Variants in SCEL observed in about 807,000 individuals in gnomAD.
SCEL encodes the protein sciellin.
SCEL carries 113 observed loss-of-function variants against 117.6 expected under a neutral mutation model. The ratio of observed to expected loss-of-function variants is 0.96; its 90% confidence interval spans 0.83 to 1.12. The LOEUF is 1.12. SCEL is among the 50% of genes most tolerant of loss of function. SCEL has a pLI of 0.00. For missense variants in SCEL, 785 were observed against 810.8 expected, an observed-to-expected ratio of 0.97 and a Z score of 0.39; for synonymous variants, 270 against 256.2, an observed-to-expected ratio of 1.05 and a Z score of -0.51.
chr13:77,629,763 A>G (rs1170862692), intron 28 of SCEL, among the ~76,000 whole-genome samples: 1 of 152,212 alleles, frequency 6.6e-6, no homozygotes, highest in Non-Finnish European at 1.5e-5. Context: ...CTTAGGTTCA[A>G]TAAAGTACAG....
At chr13:77,605,537 A>G (rs1177484150) in intron 19 of SCEL, among the ~76,000 whole-genome samples, 2 of 152,044 alleles carry the variant, frequency 1.3e-5, no homozygotes, top group East Asian at 3.9e-4. Context: ...GCCTCAATTT[A>G]CTCATTTACA....
intron 3 of SCEL, among the ~76,000 whole-genome samples, chr13:77,558,282 G>T (rs1435306378): frequency 6.6e-6 from 1 of 152,164 alleles, no homozygotes; most frequent in Non-Finnish European, 1.5e-5. Flanking sequence ...GGGAAAATTG[G>T]CTTTGATGCT....
At chr13:77,602,539 G>T in intron 16 of SCEL, 115 bp from the exon 17 acceptor site, 2 of 781,258 alleles carry the variant, frequency 2.6e-6, no homozygotes, top group Admixed American at 2.1e-5. Flanking sequence ...AGCTCTTTTT[G>T]GTCATTTGGT....
At chr13:77,545,894 A>G (rs2083961668) in intron 1 of SCEL, among the ~76,000 whole-genome samples, 1 of 152,240 alleles carries the variant, frequency 6.6e-6, no homozygotes, top group Non-Finnish European at 1.5e-5. Flanking sequence ...GAAAAATTTA[A>G]TTTCCCACAG....
At chr13:77,635,444 C>A (rs1304371841) in intron 29 of SCEL, among the ~76,000 whole-genome samples, 1 of 152,064 alleles carries the variant, frequency 6.6e-6, no homozygotes, top group Non-Finnish European at 1.5e-5. Flanking sequence ...TATTGGCGAA[C>A]AATAACATAG....
intron 15 of SCEL, 45 bp from the exon 16 acceptor site, chr13:77,602,020 T>C: frequency 6.6e-7 from 1 of 1,512,052 alleles, no homozygotes; most frequent in Non-Finnish European, 9.0e-7. Flanking sequence ...GAGTTGCTCT[T>C]GCCTCACTCT....
chr13:77,583,892 A>T (rs912078158), intron 9 of SCEL, among the ~76,000 whole-genome samples: 1 of 152,246 alleles, frequency 6.6e-6, no homozygotes, highest in Admixed American at 6.5e-5. Context: ...TATGGAAATG[A>T]AGTAATATAG....
At chr13:77,613,036 G>A in intron 23 of SCEL, 95 bp downstream of exon 23, 7 of 712,374 alleles carry the variant, frequency 9.8e-6, no homozygotes, top group Middle Eastern at 2.7e-4. Flanking sequence ...TTTTGAAAGG[G>A]GACATGAAAA....
In SCEL at chr13:77,591,435, A is replaced by C; in HGVS notation, c.667A>C (p.Asn223His). Residue 223 changes from asparagine (N) to histidine (H), a missense_variant, in exon 11 of 33, where the codon AAC (asparagine) becomes CAC (histidine). Physicochemically the swap from Asn to His is moderately conservative, Grantham distance 68. Coordinates refer to ENST00000349847, the MANE Select transcript of SCEL (RefSeq NM_144777.3). ...TAAACCAGGTGTATATACAGAAACC[A>C]ACAGATCTGCTGAAAGAAATATAAG... ...PPKPGVYTETNRSAERNIRSQ... is the reference protein window; with the variant it reads ...PPKPGVYTETHRSAERNIRSQ... 2 of 1,584,720 alleles carry C rather than the reference A, an allele frequency of 1.3e-6. No homozygotes were observed.
chr13:77,563,002 T>A (rs1014460709), intron 4 of SCEL, among the ~76,000 whole-genome samples: 3 of 152,200 alleles, frequency 2.0e-5, no homozygotes, highest in Non-Finnish European at 4.4e-5. Context: ...CATAGGGTTA[T>A]ATGAGGCATT....
At chr13:77,586,825 C>G (rs924428829) in intron 9 of SCEL, among the ~76,000 whole-genome samples, 1 of 152,174 alleles carries the variant, frequency 6.6e-6, no homozygotes, top group Admixed American at 6.5e-5. Context: ...TTATGAGCTG[C>G]ATCATCATGA....
intron 5 of SCEL, among the ~76,000 whole-genome samples, chr13:77,565,090 A>G (rs539433954): frequency 6.6e-6 from 1 of 152,342 alleles, no homozygotes; most frequent in South Asian, 2.1e-4. Flanking sequence ...AGACTCAAGT[A>G]AGGTGGAAAA....
intron 30 of SCEL, among the ~76,000 whole-genome samples, chr13:77,639,759 A>G (rs991647849): frequency 2.0e-5 from 3 of 152,186 alleles, no homozygotes; most frequent in African/African-American, 4.8e-5. Context: ...CACTTCATAT[A>G]TCATATAAAG....
At chr13:77,633,801 G>T (rs2090146548) in intron 28 of SCEL, among the ~76,000 whole-genome samples, 1 of 152,198 alleles carries the variant, frequency 6.6e-6, no homozygotes. Context: ...TTTATGTGGG[G>T]TTACCTGCAT....
chr13:77,577,020 C>T (rs1161515822), intron 9 of SCEL, among the ~76,000 whole-genome samples: 1 of 152,092 alleles, frequency 6.6e-6, no homozygotes, highest in Non-Finnish European at 1.5e-5. Context: ...TGCTTATCAG[C>T]CTAAGAAGCT....
chr13:77,558,508 A>G (rs533027438), intron 3 of SCEL, among the ~76,000 whole-genome samples: 1 of 152,178 alleles, frequency 6.6e-6, no homozygotes, highest in African/African-American at 2.4e-5. Flanking sequence ...GTTCTTTTAT[A>G]GCTTCATTAA....
At chr13:77,549,440 T>G (rs909857365) in intron 1 of SCEL, among the ~76,000 whole-genome samples, 2 of 152,252 alleles carry the variant, frequency 1.3e-5, no homozygotes, top group African/African-American at 4.8e-5. Flanking sequence ...GGTAACGTGG[T>G]AGAATATCAC....
intron 28 of SCEL, among the ~76,000 whole-genome samples, chr13:77,630,582 CTA>C (rs1594177858): frequency 6.6e-6 from 1 of 152,082 alleles, no homozygotes; most frequent in East Asian, 1.9e-4. Flanking sequence ...TAGAGTAATT[CTA>C]TGTTTAACCA....
chr13:77,639,137 T>C (rs1165151373), intron 30 of SCEL, among the ~76,000 whole-genome samples: 2 of 152,108 alleles, frequency 1.3e-5, no homozygotes. Flanking sequence ...TCACCACTCT[T>C]TGTATTTGCA....
Sources: gnomAD v4.1 joint callset for allele counts (sites outside exome capture counted in the v4.1 genomes callset) on GRCh38, gnomAD v4.1.1 for gene constraint, MANE v1.5 for transcripts, NCBI Gene and HGNC (gene_info 2026-07-23, HGNC 2026-07-21) for gene names.